DPP10: variants seen among roughly 807,000 people sequenced by gnomAD.
DPP10 encodes dipeptidyl peptidase like 10.
Under a neutral mutation model 120.9 loss-of-function variants are expected in DPP10, and 33 were observed. That is an observed-to-expected ratio of 0.27 (90% CI 0.21 to 0.37). DPP10 has a LOEUF of 0.37. Among genes scored for constraint, DPP10 ranks in the 10% least tolerant of loss-of-function variants. DPP10 has a pLI of 1.00. For synonymous variants in DPP10, 337 were observed against 326.1 expected, an observed-to-expected ratio of 1.03 and a Z score of -0.36; for missense variants, 816 against 942.8, an observed-to-expected ratio of 0.87 and a Z score of 1.76.
intron 3 of DPP10, among the ~76,000 whole-genome samples, chr2:115,419,409 G>A (rs1274871158): frequency 1.3e-5 from 2 of 152,126 alleles, no homozygotes; most frequent in African/African-American, 2.4e-5. Context: ...ATGTCATACA[G>A]CAAGAGAGAC....
intron 1 of DPP10, among the ~76,000 whole-genome samples, chr2:114,879,425 ACT>A (rs1691426572): frequency 6.6e-6 from 1 of 152,016 alleles, no homozygotes; most frequent in Admixed American, 6.6e-5. Context: ...ATTTATCTCA[ACT>A]CTTTTAAAAC....
intron 1 of DPP10, among the ~76,000 whole-genome samples, chr2:115,204,043 C>G (rs10187050): frequency 0.22 from 32,821 of 152,050 alleles, 4,071 homozygotes; most frequent in East Asian, 0.38. Flanking sequence ...GAGACTCCCC[C>G]TCACGTTCTA....
chr2:115,836,299 T>G, intron 22 of DPP10, 43 bp downstream of exon 22: 1 of 1,550,790 alleles, frequency 6.4e-7, no homozygotes, highest in Non-Finnish European at 8.8e-7. Flanking sequence ...TGTATTGATT[T>G]GTAGAAAACG....
chr2:115,701,011 TGCCC>T (rs1458435942), intron 7 of DPP10, among the ~76,000 whole-genome samples: 7 of 152,172 alleles, frequency 4.6e-5, no homozygotes, highest in African/African-American at 1.4e-4. Context: ...GATGTCAATA[TGCCC>T]AACACAATCT....
intron 5 of DPP10, among the ~76,000 whole-genome samples, chr2:115,544,573 C>T (rs1430661368): frequency 6.6e-6 from 1 of 152,000 alleles, no homozygotes; most frequent in African/African-American, 2.4e-5. Flanking sequence ...TCTAACTGCC[C>T]ATCCTACAAC....
intron 17 of DPP10, 143 bp from the exon 18 acceptor site, chr2:115,790,938 T>C (rs1034444893): frequency 2.1e-5 from 11 of 525,458 alleles, no homozygotes; most frequent in African/African-American, 1.6e-4. Flanking sequence ...AGAAAACTGT[T>C]GTAGTAATTC....
At chr2:114,965,849 C>T (rs1698974264) in intron 1 of DPP10, among the ~76,000 whole-genome samples, 1 of 150,892 alleles carries the variant, frequency 6.6e-6, no homozygotes, top group Non-Finnish European at 1.5e-5. Context: ...ACCTGTAGTC[C>T]CAGCTACTCA....
At chr2:114,496,044 TAACAGAGGA>T (rs1463572485) in intron 1 of DPP10, among the ~76,000 whole-genome samples, 1 of 152,192 alleles carries the variant, frequency 6.6e-6, no homozygotes, top group Non-Finnish European at 1.5e-5. Flanking sequence ...TCAGATATTT[TAACAGAGGA>T]AAGTTATTAG....
chr2:114,864,349 C>T (rs1206450480), intron 1 of DPP10, among the ~76,000 whole-genome samples: 2 of 152,186 alleles, frequency 1.3e-5, no homozygotes, highest in African/African-American at 4.8e-5. Flanking sequence ...GGCCACATCT[C>T]CCTGTCAGTC....
chr2:115,403,883 T>G (rs2068305347), intron 3 of DPP10, among the ~76,000 whole-genome samples: 1 of 152,188 alleles, frequency 6.6e-6, no homozygotes, highest in Non-Finnish European at 1.5e-5. Context: ...AACTGATCAA[T>G]GAATGCACTA....
At chr2:114,574,790 T>C (rs573269062) in intron 1 of DPP10, among the ~76,000 whole-genome samples, 2 of 152,142 alleles carry the variant, frequency 1.3e-5, no homozygotes, top group Admixed American at 6.5e-5. Context: ...TTTGAAAACA[T>C]TGGAGGGAGG....
At chr2:115,599,013 T>G (rs2083160004) in intron 5 of DPP10, among the ~76,000 whole-genome samples, 1 of 152,006 alleles carries the variant, frequency 6.6e-6, no homozygotes, top group African/African-American at 2.4e-5. Flanking sequence ...TGCTCTCTTT[T>G]GTTCTTCATG....
intron 1 of DPP10, among the ~76,000 whole-genome samples, chr2:115,196,758 T>C (rs2055305313): frequency 6.6e-6 from 1 of 152,198 alleles, no homozygotes; most frequent in Admixed American, 6.5e-5. Flanking sequence ...TTTGGAGCTG[T>C]CAGCCTGCAC....
At chr2:115,334,431 A>C (rs1467537351) in intron 2 of DPP10, among the ~76,000 whole-genome samples, 1 of 151,482 alleles carries the variant, frequency 6.6e-6, no homozygotes, top group Non-Finnish European at 1.5e-5. Flanking sequence ...ATTAGGCTTC[A>C]CAATACTAAG....
In DPP10 at chr2:115,019,081, C is replaced by T. The variant is rs546917097; in HGVS notation, c.61-290158C>T. Among the ~76,000 whole-genome samples, 4 of 151,920 alleles carry T rather than the reference C, an allele frequency of 2.6e-5. No individual in the cohort carries two copies. In the South Asian group the frequency reaches 8.4e-4, roughly 32 times the overall value. Reference sequence around the variant, plus strand: ...CCCTCCCCCACCATTCTCGCACCCCCGCCCCTGCCACTCAGCTTCACCGAC... The same window carrying T: ...CCCTCCCCCACCATTCTCGCACCCCTGCCCCTGCCACTCAGCTTCACCGAC... On this transcript the variant is annotated intron_variant, in intron 1 of 25. Coordinates refer to ENST00000410059, the MANE Select transcript of DPP10 (RefSeq NM_020868.6).
chr2:115,278,987 T>A (rs931624804), intron 1 of DPP10, among the ~76,000 whole-genome samples: 2 of 152,208 alleles, frequency 1.3e-5, no homozygotes, highest in African/African-American at 4.8e-5. Flanking sequence ...CTATGAGACC[T>A]TTCAAAGAGA....
chr2:115,798,480 T>C lies in DPP10; in HGVS notation c.1700+7124T>C, dbSNP rs535519226. ...AGGATTTTTTAAATAATATATTCTT[T>C]CCTTTTGACTTATATATAAAAACAG... On this transcript the variant is annotated intron_variant, in intron 19 of 25. Coordinates refer to ENST00000410059, the MANE Select transcript of DPP10 (RefSeq NM_020868.6). Among the ~76,000 whole-genome samples the C allele has an allele frequency of 3.3e-5, 5 of 152,234 alleles. No homozygotes were observed. In the South Asian group the frequency reaches 8.3e-4, roughly 25 times the overall value.
At chr2:114,690,368 A>T (rs559755420) in intron 1 of DPP10, among the ~76,000 whole-genome samples, 4 of 151,578 alleles carry the variant, frequency 2.6e-5, no homozygotes, top group Non-Finnish European at 5.9e-5. Context: ...ATTTTTATTA[A>T]TTTTGTCAAA....
At chr2:115,819,302 C>A (rs186557671) in intron 21 of DPP10, among the ~76,000 whole-genome samples, 4 of 152,154 alleles carry the variant, frequency 2.6e-5, no homozygotes, top group African/African-American at 9.6e-5. Flanking sequence ...AATATTTTTT[C>A]ACTTCATATA....
Sources: allele counts gnomAD v4.1 joint callset (sites outside exome capture counted in the v4.1 genomes callset), GRCh38; gene constraint gnomAD v4.1.1; transcripts MANE v1.5; gene names NCBI Gene and HGNC (gene_info 2026-07-23, HGNC 2026-07-21).